ARID2: variants seen among roughly 807,000 people sequenced by gnomAD.
ARID2 encodes the protein AT-rich interactive domain-containing protein 2.
A neutral mutation model predicts 184.6 loss-of-function variants in ARID2; 32 were observed. That is an observed-to-expected ratio of 0.17 (90% CI 0.13 to 0.23). ARID2 has a LOEUF of 0.23. ARID2 is among the 10% of genes least tolerant of loss of function. ARID2 has a pLI of 1.00. For synonymous variants in ARID2, 836 were observed against 772.6 expected (o/e 1.08, Z -1.36); for missense variants, 1,696 against 2,197.6 (o/e 0.77, Z 4.56).
chr12:45,907,043 T>C lies in ARID2; in HGVS notation c.*1965T>C. On this transcript the variant is annotated 3_prime_UTR_variant, in exon 21 of 21. Coordinates refer to ENST00000334344, the MANE Select transcript of ARID2 (RefSeq NM_152641.4). The stretch of plus-strand genomic sequence containing the variant: ...CTTCCTGAAGGAGGATCCCTGGCGC[T>C]GTCCTGCCATGTCTCAAAGGAATGT... 1 of 231,118 alleles carries C rather than the reference T, an allele frequency of 4.3e-6. No individual in the cohort carries two copies. Among genetic ancestry groups the C allele is most frequent in the Non-Finnish European group, 8.6e-6 (1 of 116,708 alleles). 14.3% of individuals were successfully genotyped at this position (231,118 alleles called of 1,614,324 possible).
chr12:45,768,935 C>T (rs1941820158), intron 3 of ARID2, among the ~76,000 whole-genome samples: 1 of 152,186 alleles, frequency 6.6e-6, no homozygotes, highest in Non-Finnish European at 1.5e-5. Flanking sequence ...ACTGTCATTT[C>T]ATGGTGACTT....
At position 45,896,191 on chromosome 12, in the gene ARID2, A is replaced by G. The variant is rs189155407; in HGVS notation, c.5363+2470A>G. Among the ~76,000 whole-genome samples, 451 of 152,338 alleles carry G rather than the reference A, an allele frequency of 3.0e-3. 8 individuals are homozygous for G. The highest frequency in any genetic ancestry group is 0.028 in the Admixed American group (430 of 15,300). The stretch of plus-strand genomic sequence containing the variant: ...CTGCGGAGATGGTCAATGTGCCTAA[A>G]ACCCAAAGAACCTTGTGTAAGAAGT... On this transcript the variant is annotated intron_variant, in intron 20 of 20. Coordinates refer to ENST00000334344, the MANE Select transcript of ARID2 (RefSeq NM_152641.4).
At chr12:45,742,143 T>A (rs184188815) in intron 3 of ARID2, among the ~76,000 whole-genome samples, 73 of 152,334 alleles carry the variant, frequency 4.8e-4, no homozygotes, top group African/African-American at 1.8e-3. Flanking sequence ...TGTTTGAAGT[T>A]CTTTTTGTGT....
intron 3 of ARID2, among the ~76,000 whole-genome samples, chr12:45,786,293 G>A (rs1450580834): frequency 6.6e-6 from 1 of 152,130 alleles, no homozygotes; most frequent in African/African-American, 2.4e-5. Context: ...AAACTACATA[G>A]AACAGAAAGG....
chr12:45,889,759 G>A (rs752492177), intron 16 of ARID2, among the ~76,000 whole-genome samples: 19 of 152,208 alleles, frequency 1.2e-4, no homozygotes, highest in African/African-American at 3.9e-4. Context: ...CCAACATGGC[G>A]AAACCCCGTC....
At chr12:45,899,531 A>G (rs1384721705) in intron 20 of ARID2, among the ~76,000 whole-genome samples, 10 of 149,848 alleles carry the variant, frequency 6.7e-5, no homozygotes, top group South Asian at 4.2e-4. Flanking sequence ...GCGTGAACAC[A>G]GGAGGCGGAG....
At chr12:45,877,578 A>C (rs1944029181) in intron 16 of ARID2, among the ~76,000 whole-genome samples, 1 of 152,022 alleles carries the variant, frequency 6.6e-6, no homozygotes. Flanking sequence ...AATGCGCTTG[A>C]ATCATCCCAA....
intron 4 of ARID2, 53 bp downstream of exon 4, chr12:45,811,604 A>G (rs2138083324): frequency 1.5e-5 from 24 of 1,585,022 alleles, no homozygotes; most frequent in Non-Finnish European, 2.1e-5. Context: ...TGAATTAGGA[A>G]AATAGACATC....
At chr12:45,877,298 GC>G (rs1342887835) in intron 16 of ARID2, among the ~76,000 whole-genome samples, 1 of 151,794 alleles carries the variant, frequency 6.6e-6, no homozygotes, top group East Asian at 1.9e-4. Flanking sequence ...CCTAAGCTCT[GC>G]CCCCTGTTAG....
intron 3 of ARID2, among the ~76,000 whole-genome samples, chr12:45,771,031 G>T (rs143090038): frequency 8.0e-4 from 122 of 152,172 alleles, no homozygotes; most frequent in African/African-American, 2.7e-3. Context: ...GAAAGCCGGC[G>T]ATCCCACATA....
At chr12:45,735,667 T>C (rs1941101357) in intron 3 of ARID2, among the ~76,000 whole-genome samples, 1 of 152,174 alleles carries the variant, frequency 6.6e-6, no homozygotes, top group African/African-American at 2.4e-5. Context: ...TATTTTCTGA[T>C]ATTCTGTTAC....
In ARID2 at chr12:45,902,100, A is replaced by G. The variant is rs78990576; in HGVS notation, c.5364-2834A>G. Among the ~76,000 whole-genome samples, 235 of 152,316 alleles carry G rather than the reference A, an allele frequency of 1.5e-3. 4 individuals carry two copies. In the East Asian group the frequency reaches 0.039, roughly 25 times the overall value. On this transcript the variant is annotated intron_variant, in intron 20 of 20. Transcript: ENST00000334344. ...TGGTTTTTACTAGTGTTGCTTAGAAATTATTTTTATTATCTGTTAAGGATA... is the reference window on the plus strand; with the variant it reads ...TGGTTTTTACTAGTGTTGCTTAGAAGTTATTTTTATTATCTGTTAAGGATA...
chr12:45,740,698 T>C (rs1941236077), intron 3 of ARID2, among the ~76,000 whole-genome samples: 1 of 152,218 alleles, frequency 6.6e-6, no homozygotes, highest in African/African-American at 2.4e-5. Flanking sequence ...GTCCTAAAGA[T>C]GCCTTTTATA....
At chr12:45,796,128 C>G (rs1942387881) in intron 3 of ARID2, among the ~76,000 whole-genome samples, 1 of 151,988 alleles carries the variant, frequency 6.6e-6, no homozygotes, top group South Asian at 2.1e-4. Flanking sequence ...TCTCCTTATT[C>G]AGAACTCAGA....
In ARID2 at chr12:45,836,769, G is replaced by A. The variant is rs770807181; in HGVS notation, c.801G>A (p.Glu267=). 2 of 1,613,782 alleles carry A rather than the reference G, an allele frequency of 1.2e-6. No individual in the cohort carries two copies. Among genetic ancestry groups the A allele is most frequent in the South Asian group, 2.2e-5 (2 of 91,048 alleles). ...HEGTSGEWIW[E]SLFHPPRKLG... Reference sequence around the variant, plus strand: ...GTACATCAGGAGAATGGATTTGGGAGTCTTTATTTCATCCACCTCGAAAGC... The same window carrying A: ...GTACATCAGGAGAATGGATTTGGGAATCTTTATTTCATCCACCTCGAAAGC... The change falls in exon 8 of 21, where the codon GAG becomes GAA. Residue 267 remains glutamate (E), a synonymous_variant. Transcript: ENST00000334344.
At chr12:45,847,429 A>G (rs1943463371) in intron 12 of ARID2, among the ~76,000 whole-genome samples, 1 of 152,102 alleles carries the variant, frequency 6.6e-6, no homozygotes, top group African/African-American at 2.4e-5. Context: ...ATCAAATGAT[A>G]GAACAGAAAT....
intron 6 of ARID2, among the ~76,000 whole-genome samples, chr12:45,835,860 A>G (rs1358567774): frequency 1.3e-5 from 2 of 151,872 alleles, no homozygotes; most frequent in African/African-American, 2.4e-5. Flanking sequence ...AGATGGTGCC[A>G]TTGCACTCCA....
At chr12:45,893,358 T>A (rs1183168617) in intron 18 of ARID2, 62 bp from the exon 19 acceptor site, 4 of 1,534,242 alleles carry the variant, frequency 2.6e-6, no homozygotes, top group Non-Finnish European at 3.5e-6. Context: ...GTGGTCATAG[T>A]TGTCAGTCTG....
intron 16 of ARID2, among the ~76,000 whole-genome samples, chr12:45,884,286 C>G (rs1267545219): frequency 6.6e-6 from 1 of 152,096 alleles, no homozygotes; most frequent in Non-Finnish European, 1.5e-5. Context: ...ATCTCAGCTA[C>G]TTGGGAGGCT....
Sources: allele counts gnomAD v4.1 joint callset (sites outside exome capture counted in the v4.1 genomes callset), GRCh38; gene constraint gnomAD v4.1.1; transcripts MANE v1.5; gene names NCBI Gene and HGNC (gene_info 2026-07-23, HGNC 2026-07-21).